Variants in LRP2 observed in about 807,000 individuals in gnomAD.
LRP2 encodes the protein LDL receptor related protein 2.
LRP2 carries 172 observed loss-of-function variants against 531.0 expected under a neutral mutation model. The ratio of observed to expected loss-of-function variants is 0.32; its 90% CI spans 0.29 to 0.37. LRP2 has a LOEUF of 0.37. Among genes scored for constraint, LRP2 ranks in the 10% least tolerant of loss-of-function variants. The pLI is 1.00. For missense variants in LRP2, 5,167 were observed against 5,868.3 expected, an observed-to-expected ratio of 0.88 and a Z score of 3.90; for synonymous variants, 1,992 against 2,027.6, an observed-to-expected ratio of 0.98 and a Z score of 0.47.
intron 34 of LRP2, 45 bp from the exon 35 acceptor site, chr2:169,216,475 A>T (rs1161704792): frequency 1.3e-6 from 2 of 1,591,116 alleles, no homozygotes; most frequent in Admixed American, 3.3e-5. Flanking sequence ...CAGAAGGTGG[A>T]TTTGAGTCAG....
Position 169,244,945 on chromosome 2 carries a change from C to T in LRP2, c.3191-13G>A, listed in dbSNP as rs550141077. On this transcript the variant is annotated splice_polypyrimidine_tract_variant and intron_variant, in intron 21 of 78. Transcript: ENST00000649046. Reference sequence around the variant, plus strand: ...GAACAGGTATTATCTACAATAGTAACAAACTGGTCATGAAGACATTTGTTT... The same window carrying T: ...GAACAGGTATTATCTACAATAGTAATAAACTGGTCATGAAGACATTTGTTT... 3.7e-6 allele frequency: 6 copies of T among 1,614,100 alleles called. No individual in the cohort carries two copies. In the East Asian group the frequency reaches 1.3e-4, roughly 36 times the overall value.
chr2:169,287,217 G>A (rs1343161972), intron 9 of LRP2, among the ~76,000 whole-genome samples: 1 of 152,154 alleles, frequency 6.6e-6, no homozygotes, highest in Non-Finnish European at 1.5e-5. Flanking sequence ...CACAAAATGT[G>A]TCCTGCAATC....
chr2:169,360,128 CAAAAAAAA>C (rs67818940), intron 1 of LRP2, among the ~76,000 whole-genome samples: 1 of 105,036 alleles, frequency 9.5e-6, no homozygotes, highest in Non-Finnish European at 1.8e-5. Flanking sequence ...CTGTCTCTCT[CAAAAAAAA>C]AAAAAAAAAA....
chr2:169,291,093 C>T, intron 7 of LRP2, 96 bp from the exon 8 acceptor site: 1 of 1,050,112 alleles, frequency 9.5e-7, no homozygotes, highest in East Asian at 2.4e-5. Context: ...GCAAGTTGAA[C>T]AAGAGAAATC....
intron 4 of LRP2, among the ~76,000 whole-genome samples, chr2:169,296,124 A>T (rs184416468): frequency 3.4e-3 from 514 of 152,206 alleles, no homozygotes; most frequent in African/African-American, 0.011. Flanking sequence ...TGCACTTTTT[A>T]AAAAAATGGA....
chr2:169,233,667 C>T (rs1689496723), intron 29 of LRP2, 79 bp from the exon 30 acceptor site: 1 of 1,246,316 alleles, frequency 8.0e-7, no homozygotes, highest in Non-Finnish European at 1.2e-6. Flanking sequence ...GATATCTGCT[C>T]AAGAAGACGG....
At chr2:169,129,255 C>T (rs540775617) in intron 77 of LRP2, among the ~76,000 whole-genome samples, 171 bp from the exon 78 acceptor site, 2 of 152,232 alleles carry the variant, frequency 1.3e-5, no homozygotes, top group South Asian at 2.1e-4. Flanking sequence ...TCCTATGGTC[C>T]CTGAACAGTA....
intron 33 of LRP2, among the ~76,000 whole-genome samples, chr2:169,222,063 A>T (rs1266311219): frequency 6.6e-6 from 1 of 152,188 alleles, no homozygotes; most frequent in Non-Finnish European, 1.5e-5. Context: ...CTTAGGCAGG[A>T]AGGAATATTA....
At chr2:169,308,132 G>A (rs955117270) in intron 3 of LRP2, among the ~76,000 whole-genome samples, 2 of 152,012 alleles carry the variant, frequency 1.3e-5, no homozygotes, top group Non-Finnish European at 2.9e-5. Flanking sequence ...GGGGGAAAAC[G>A]TGATCATCTA....
intron 43 of LRP2, 66 bp from the exon 44 acceptor site, chr2:169,201,936 A>T: frequency 3.8e-6 from 6 of 1,585,288 alleles, no homozygotes; most frequent in East Asian, 2.3e-5. Flanking sequence ...TTTTAAAAAG[A>T]TACAATTAAA....
rs367564878 is a variant in LRP2 at position 169,143,739 on chromosome 2, A to G, written c.12989-946T>C. On this transcript the variant is annotated intron_variant, in intron 70 of 78. Coordinates refer to ENST00000649046, the MANE Select transcript of LRP2 (RefSeq NM_004525.3). ...TCTGGGGTAGAGTTCAAGTATTACC[A>G]TTAAAAGCTCCCTAGGTAAGTCTAG... Among the ~76,000 whole-genome samples, 7 of 152,344 alleles carry G rather than the reference A, an allele frequency of 4.6e-5. 1 individual carries two copies. Among genetic ancestry groups the G allele is most frequent in the East Asian group, 1.9e-4 (1 of 5,192 alleles).
intron 1 of LRP2, among the ~76,000 whole-genome samples, chr2:169,358,399 T>A (rs545843489): frequency 5.3e-5 from 8 of 152,246 alleles, no homozygotes. Context: ...TAAGGTTCCC[T>A]CTAGCTGTAA....
chr2:169,266,074 C>T (rs183276319), intron 16 of LRP2, among the ~76,000 whole-genome samples: 25 of 151,980 alleles, frequency 1.6e-4, no homozygotes, highest in Admixed American at 9.8e-4. Flanking sequence ...TCCTAGAATA[C>T]TAATTGGCTG....
chr2:169,278,255 T>C (rs1683609190), intron 12 of LRP2, among the ~76,000 whole-genome samples: 2 of 152,072 alleles, frequency 1.3e-5, no homozygotes, highest in Admixed American at 1.3e-4. Context: ...GAGGCCAACA[T>C]AGAAGGATTG....
chr2:169,209,387 A>C, intron 38 of LRP2, 66 bp downstream of exon 38: 1 of 1,533,678 alleles, frequency 6.5e-7, no homozygotes, highest in East Asian at 2.2e-5. Context: ...GTTAGGCTAA[A>C]CTTTCTAGCA....
chr2:169,244,726 C>T lies in LRP2; in HGVS notation c.3397G>A (p.Asp1133Asn), dbSNP rs1433838480. The T allele has an allele frequency of 6.2e-7, 1 of 1,614,142 alleles. No homozygotes were observed. Among genetic ancestry groups the T allele is most frequent in the African/African-American group, 1.3e-5 (1 of 74,950 alleles). The change falls in exon 22 of 79, where the codon GAT (aspartate) becomes AAT (asparagine). Residue 1133 changes from aspartate (D) to asparagine (N), a missense_variant. This residue lies in a region of LRP2 where 2,811 missense variants were observed against 3,058.0 expected (regional missense o/e 0.92). Transcript: ENST00000649046. Reference sequence around the variant, plus strand: ...TTTTCATCAGATCCATCCCCACAATCATTGTCTGTGTCACAGACCCAGTTC... The same window carrying T: ...TTTTCATCAGATCCATCCCCACAATTATTGTCTGTGTCACAGACCCAGTTC... The part of the protein sequence containing the change: ...SKNWVCDTDN[D>N]CGDGSDEKNC...
chr2:169,191,501 G>A (rs1483929321), intron 48 of LRP2, among the ~76,000 whole-genome samples: 1 of 151,792 alleles, frequency 6.6e-6, no homozygotes, highest in Non-Finnish European at 1.5e-5. Flanking sequence ...TGCCTTCTTG[G>A]GTTCCTTCCT....
intron 44 of LRP2, 100 bp downstream of exon 44, chr2:169,201,528 T>A: frequency 6.6e-7 from 1 of 1,525,518 alleles, no homozygotes; most frequent in Non-Finnish European, 8.9e-7. Context: ...ATACTTAGGG[T>A]TTTTATTTTT....
chr2:169,284,607 T>G (rs1683802238), intron 9 of LRP2, among the ~76,000 whole-genome samples: 1 of 151,870 alleles, frequency 6.6e-6, no homozygotes, highest in Non-Finnish European at 1.5e-5. Flanking sequence ...CCCTGCAGAT[T>G]AAACATAACA....
Sources: allele counts gnomAD v4.1 joint callset (sites outside exome capture counted in the v4.1 genomes callset), GRCh38; gene constraint gnomAD v4.1.1; regional missense constraint gnomAD v4.1.1; transcripts MANE v1.5; gene names NCBI Gene and HGNC (gene_info 2026-07-23, HGNC 2026-07-21).